CEP85L: variants seen among roughly 807,000 people sequenced by gnomAD.
The protein encoded by CEP85L is centrosomal protein 85L, also known as centrosomal protein of 85 kDa-like.
Under a neutral mutation model 100.3 loss-of-function variants are expected in CEP85L, and 60 were observed. The ratio of observed to expected loss-of-function variants is 0.60; its 90% CI spans 0.49 to 0.74. The LOEUF (loss-of-function observed/expected upper bound fraction) is 0.74. Among genes scored for constraint, CEP85L ranks in the 30% least tolerant of loss-of-function variants. The pLI is 0.00. For missense variants in CEP85L, 973 were observed against 936.2 expected, an observed-to-expected ratio of 1.04 and a Z score of -0.51; for synonymous variants, 319 against 322.7, an observed-to-expected ratio of 0.99 and a Z score of 0.12.
chr6:118,514,058 T>C (rs1371710804), intron 4 of CEP85L, among the ~76,000 whole-genome samples: 1 of 152,192 alleles, frequency 6.6e-6, no homozygotes, highest in Non-Finnish European at 1.5e-5. Context: ...AGTATAGTAT[T>C]ACTTGAAGAT....
chr6:118,492,279 T>C (rs1774626060), intron 5 of CEP85L, among the ~76,000 whole-genome samples: 1 of 151,848 alleles, frequency 6.6e-6, no homozygotes, highest in African/African-American at 2.4e-5. Flanking sequence ...TAAAGAAAAA[T>C]TTCTTCACAG....
At chr6:118,677,549 C>T (rs1194996040) in intron 1 of CEP85L, among the ~76,000 whole-genome samples, 1 of 152,222 alleles carries the variant, frequency 6.6e-6, no homozygotes, top group Admixed American at 6.5e-5. Context: ...CCCTATATCT[C>T]TAGCATTGAC....
intron 1 of CEP85L, among the ~76,000 whole-genome samples, chr6:118,705,640 T>C (rs1426095096): frequency 6.6e-6 from 1 of 152,276 alleles, no homozygotes; most frequent in Non-Finnish European, 1.5e-5. Flanking sequence ...GAAATCATTA[T>C]GTGGTTTTCC....
intron 3 of CEP85L, chr6:118,565,239 C>T: frequency 2.8e-6 from 1 of 352,072 alleles, no homozygotes; most frequent in Admixed American, 4.5e-5. Flanking sequence ...TTTCTGTTTC[C>T]AAGTTTATTT....
intron 2 of CEP85L, among the ~76,000 whole-genome samples, chr6:118,619,597 G>A (rs981267286): frequency 2.0e-5 from 3 of 152,070 alleles, no homozygotes; most frequent in Middle Eastern, 3.2e-3. Context: ...CGTAAACTCC[G>A]CGAACCAGGC....
At chr6:118,501,375 G>A (rs1454524850) in intron 5 of CEP85L, 2 of 360,830 alleles carry the variant, frequency 5.5e-6, no homozygotes, top group African/African-American at 2.2e-5. Flanking sequence ...TGTGCCAGGT[G>A]GCACAAGGCC....
chr6:118,651,225 G>A lies in CEP85L; in HGVS notation c.45C>T (p.Ser15=). 2.0e-6 allele frequency: 3 copies of A among 1,496,534 alleles called. No homozygotes were observed. Among genetic ancestry groups the A allele is most frequent in the South Asian group, 1.2e-5 (1 of 80,172 alleles). The allele number at this position is 1,496,534 out of a possible 1,614,324, so 92.7% of individuals were successfully genotyped here. A position where few individuals can be genotyped will look rare whatever the true frequency, so the allele number is the denominator to read the frequency against. ...CAGGGAAGCTGCGGGCTCCGCCGGG[G>A]CTATCCCGGCCGCTGGCCTCCGGAG... ...FLAPEASGRD[S]PGGARSFPAG... is the part of the protein sequence containing the mutation. Residue 15 remains serine (S), a synonymous_variant, in exon 1 of 13, where the codon AGC becomes AGT. Coordinates refer to ENST00000368491, the MANE Select transcript of CEP85L (RefSeq NM_001042475.3).
intron 1 of CEP85L, among the ~76,000 whole-genome samples, chr6:118,685,198 A>G (rs1583258200): frequency 6.6e-6 from 1 of 152,236 alleles, no homozygotes; most frequent in South Asian, 2.1e-4. Flanking sequence ...TAAAGAATAT[A>G]AATAATTGCA....
chr6:118,470,597 C>T lies in CEP85L; in HGVS notation c.1962G>A (p.Met654Ile). The change falls in exon 11 of 13, where the codon ATG becomes ATA. Residue 654 changes from methionine (M) to isoleucine (I), a missense_variant. Met to Ile is a conservative substitution (Grantham distance 10). Around this residue, in one of 3 missense-constraint regions of CEP85L, gnomAD observed 890 missense variants for 844.5 expected, o/e 1.05. Transcript: ENST00000368491. ...LSKEKLTTQK[M>I]MEELEKKERN... ...TTTCTTTCTTTTCCAGCTCTTCCATCATCTTTTGAGTGGTCAGTTTCTCTT... is the reference window on the plus strand; with the variant it reads ...TTTCTTTCTTTTCCAGCTCTTCCATTATCTTTTGAGTGGTCAGTTTCTCTT... The T allele has an allele frequency of 6.2e-7, 1 of 1,607,876 alleles. No homozygotes were observed. The highest frequency in any genetic ancestry group is 8.5e-7 in the Non-Finnish European group (1 of 1,176,982).
At chr6:118,471,023 T>C (rs1772914629) in intron 10 of CEP85L, among the ~76,000 whole-genome samples, 1 of 152,088 alleles carries the variant, frequency 6.6e-6, no homozygotes, top group Non-Finnish European at 1.5e-5. Context: ...TATATTTTTG[T>C]TTTACATTTT....
At chr6:118,534,657 A>G (rs1199191589) in intron 3 of CEP85L, among the ~76,000 whole-genome samples, 1 of 152,170 alleles carries the variant, frequency 6.6e-6, no homozygotes, top group African/African-American at 2.4e-5. Context: ...CTAATGATGC[A>G]TAGAGTAAAC....
At chr6:118,584,828 G>A (rs12192306) in intron 2 of CEP85L, among the ~76,000 whole-genome samples, 15,394 of 152,228 alleles carry the variant, frequency 0.1, 926 homozygotes, top group African/African-American at 0.15. Flanking sequence ...TTTTGGGGGA[G>A]CCTTTGGCTA....
intron 3 of CEP85L, among the ~76,000 whole-genome samples, chr6:118,531,591 G>A (rs984554761): frequency 6.6e-6 from 1 of 152,194 alleles, no homozygotes; most frequent in South Asian, 2.1e-4. Context: ...CAGAATAGGA[G>A]AAGATATTTG....
chr6:118,686,291 A>G (rs1039807998), intron 1 of CEP85L, among the ~76,000 whole-genome samples: 4 of 152,050 alleles, frequency 2.6e-5, no homozygotes, highest in Admixed American at 6.6e-5. Flanking sequence ...TTTTGGATGT[A>G]CTGTTGTGCA....
intron 2 of CEP85L, among the ~76,000 whole-genome samples, chr6:118,611,228 G>A (rs1439346777): frequency 1.3e-5 from 2 of 152,146 alleles, no homozygotes; most frequent in African/African-American, 4.8e-5. Context: ...TATCATAAAT[G>A]AGGGACGGTA....
At chr6:118,623,786 T>C (rs1331563882) in intron 2 of CEP85L, among the ~76,000 whole-genome samples, 2 of 152,190 alleles carry the variant, frequency 1.3e-5, no homozygotes, top group Non-Finnish European at 2.9e-5. Context: ...ATAACTTCTC[T>C]AGCAAAGTAT....
chr6:118,680,081 T>C (rs1281201711), intron 1 of CEP85L, among the ~76,000 whole-genome samples: 1 of 151,444 alleles, frequency 6.6e-6, no homozygotes, highest in East Asian at 1.9e-4. Context: ...AGGCCAGGAA[T>C]TTGAGACCAG....
Position 118,525,147 on chromosome 6 carries a change from A to T in CEP85L, c.1021-1227T>A, listed in dbSNP as rs146312402. Among the ~76,000 whole-genome samples, 565 of 152,354 alleles carry T rather than the reference A, an allele frequency of 3.7e-3. 3 individuals are homozygous for T. Among genetic ancestry groups the T allele is most frequent in the African/African-American group, 0.013 (539 of 41,578 alleles). On this transcript the variant is annotated intron_variant, in intron 3 of 12. Coordinates refer to ENST00000368491, the MANE Select transcript of CEP85L (RefSeq NM_001042475.3). ...CTACAACAGTAGTAAGTATATCCAT[A>T]GAAAATGGAAAATATATAACCATCT...
chr6:118,588,085 C>T (rs1001301843), intron 2 of CEP85L, among the ~76,000 whole-genome samples: 4 of 152,212 alleles, frequency 2.6e-5, no homozygotes, highest in Non-Finnish European at 5.9e-5. Context: ...ACAGCATCAT[C>T]TGGGGACATC....
Sources: allele counts gnomAD v4.1 joint callset (sites outside exome capture counted in the v4.1 genomes callset), GRCh38; gene constraint gnomAD v4.1.1; regional missense constraint gnomAD v4.1.1; transcripts MANE v1.5; gene names NCBI Gene and HGNC (gene_info 2026-07-23, HGNC 2026-07-21).